The following SLC9C2 variants were observed in gnomAD, a reference collection of about 807,000 sequenced individuals.
The protein encoded by SLC9C2 is sodium/hydrogen exchanger 11.
In SLC9C2, 75 loss-of-function variants were observed where a neutral mutation model predicts 140.2. That is an observed-to-expected ratio of 0.53 (90% CI 0.44 to 0.65). SLC9C2 has a LOEUF of 0.65. Ranked by LOEUF, SLC9C2 falls within the 30% of genes least tolerant of loss-of-function variation. The probability of loss-of-function intolerance (pLI) is 0.00; values close to 1 mark genes in which losing one functional copy is unlikely to be tolerated. For missense variants in SLC9C2, 1,074 were observed against 1,331.8 expected (o/e 0.81, Z 3.01); for synonymous variants, 375 against 420.9 (o/e 0.89, Z 1.34).
intron 13 of SLC9C2, among the ~76,000 whole-genome samples, chr1:173,537,503 G>A (rs1662058020): frequency 6.6e-6 from 1 of 151,918 alleles, no homozygotes; most frequent in Non-Finnish European, 1.5e-5. Context: ...CGGAGGTTGT[G>A]GTGAGCCGAG....
At chr1:173,563,926 C>T (rs772511835) in intron 9 of SLC9C2, among the ~76,000 whole-genome samples, 2 of 152,122 alleles carry the variant, frequency 1.3e-5, no homozygotes, top group African/African-American at 2.4e-5. Flanking sequence ...TTAATTTTTA[C>T]ATCCCACAAA....
At chr1:173,525,225 T>A (rs1310071645) in intron 19 of SLC9C2, among the ~76,000 whole-genome samples, 1 of 152,192 alleles carries the variant, frequency 6.6e-6, no homozygotes, top group Non-Finnish European at 1.5e-5. Flanking sequence ...TTACTATTTT[T>A]ACTTCTCTGT....
At chr1:173,537,631 C>T (rs139895907) in intron 13 of SLC9C2, among the ~76,000 whole-genome samples, 53 of 151,982 alleles carry the variant, frequency 3.5e-4, no homozygotes, top group African/African-American at 1.2e-3. Context: ...TATACACACA[C>T]ACATATATAC....
intron 9 of SLC9C2, among the ~76,000 whole-genome samples, chr1:173,572,866 C>T (rs1018931956): frequency 1.3e-5 from 2 of 152,120 alleles, no homozygotes; most frequent in Non-Finnish European, 2.9e-5. Context: ...ATACAAACTA[C>T]CTGAAGAGCA....
chr1:173,583,650 C>A, intron 5 of SLC9C2, 28 bp from the exon 6 acceptor site: 1 of 1,073,768 alleles, frequency 9.3e-7, no homozygotes, highest in Non-Finnish European at 1.4e-6. Flanking sequence ...AAATGTAACT[C>A]AATATGCTAC....
At chr1:173,586,190 T>A (rs1031495296) in intron 5 of SLC9C2, among the ~76,000 whole-genome samples, 2 of 151,472 alleles carry the variant, frequency 1.3e-5, no homozygotes, top group African/African-American at 2.4e-5. Flanking sequence ...CAGAAAAAAA[T>A]TGTACTTAAG....
At chr1:173,554,345 TG>T (rs1391050286) in intron 11 of SLC9C2, among the ~76,000 whole-genome samples, 1 of 152,150 alleles carries the variant, frequency 6.6e-6, no homozygotes, top group African/African-American at 2.4e-5. Context: ...CCTTTCTAGT[TG>T]GTTGGATTGT....
At chr1:173,540,244 C>G (rs182180031) in intron 13 of SLC9C2, among the ~76,000 whole-genome samples, 7 of 152,296 alleles carry the variant, frequency 4.6e-5, no homozygotes, top group Non-Finnish European at 1.0e-4. Flanking sequence ...ACATCCTGGA[C>G]CCTCCAACCA....
At chr1:173,600,005 GAGTAGCTGTTCCCATAAGAAA>G in intron 3 of SLC9C2, 91 bp downstream of exon 3, 1 of 610,354 alleles carries the variant, frequency 1.6e-6, no homozygotes. Context: ...AAAATTTTTT[GAGTAGCTGTTCCCATAAGAAA>G]AAACATTCCA....
chr1:173,547,801 G>A lies in SLC9C2; in HGVS notation c.1462-17C>T, dbSNP rs1335409378. 6.3e-7 allele frequency: 1 copy of A among 1,577,788 alleles called. No homozygotes were observed. Among genetic ancestry groups the A allele is most frequent in the East Asian group, 2.3e-5 (1 of 44,278 alleles). ...GTGGGAAAACTGAACCGTATCAGAT[G>A]ACATTTTAAAACATAAAGGGATAAA... On this transcript the variant is annotated splice_polypyrimidine_tract_variant and intron_variant, in intron 12 of 27. Coordinates refer to ENST00000367714, the MANE Select transcript of SLC9C2 (RefSeq NM_178527.4).
intron 23 of SLC9C2, among the ~76,000 whole-genome samples, chr1:173,510,366 C>A (rs182899263): frequency 1.5e-4 from 23 of 152,064 alleles, no homozygotes; most frequent in Non-Finnish European, 2.8e-4. Context: ...GTACAGAATG[C>A]GTAGGTTTGT....
chr1:173,507,501 G>A (rs1457491696), intron 24 of SLC9C2, among the ~76,000 whole-genome samples: 1 of 138,408 alleles, frequency 7.2e-6, no homozygotes, highest in Non-Finnish European at 1.6e-5. Flanking sequence ...ATTATGGGTT[G>A]AATTGTGCAC....
intron 9 of SLC9C2, among the ~76,000 whole-genome samples, chr1:173,571,069 G>A (rs1558077443): frequency 1.3e-5 from 2 of 152,218 alleles, no homozygotes; most frequent in East Asian, 3.9e-4. Context: ...GTTAAAATGT[G>A]GTGTTCCTGC....
intron 9 of SLC9C2, among the ~76,000 whole-genome samples, chr1:173,566,115 A>G (rs1395786451): frequency 6.6e-6 from 1 of 152,118 alleles, no homozygotes; most frequent in African/African-American, 2.4e-5. Context: ...ATCAATATTC[A>G]TGAGAGATAT....
intron 21 of SLC9C2, 31 bp from the exon 22 acceptor site, chr1:173,521,430 AAG>A (rs779517544): frequency 2.5e-6 from 3 of 1,220,868 alleles, no homozygotes; most frequent in African/African-American, 3.1e-5. Flanking sequence ...CGAAAAGAAA[AAG>A]AGAGTCAACA....
intron 7 of SLC9C2, among the ~76,000 whole-genome samples, chr1:173,578,776 C>T (rs1414686914): frequency 2.0e-5 from 3 of 152,190 alleles, no homozygotes; most frequent in Non-Finnish European, 4.4e-5. Context: ...ATAATCTTCC[C>T]TCTATGTGTA....
At chr1:173,594,616 A>G (rs1666345584) in intron 4 of SLC9C2, among the ~76,000 whole-genome samples, 1 of 152,170 alleles carries the variant, frequency 6.6e-6, no homozygotes, top group South Asian at 2.1e-4. Flanking sequence ...AATCACAATA[A>G]TAATGATAAT....
chr1:173,556,383 A>G (rs144571749), intron 10 of SLC9C2, among the ~76,000 whole-genome samples: 54 of 152,252 alleles, frequency 3.5e-4, no homozygotes, highest in African/African-American at 1.2e-3. Context: ...AAGGAAACCA[A>G]GTTTTGTTTT....
chr1:173,506,537 A>G (rs1454985524), intron 25 of SLC9C2, among the ~76,000 whole-genome samples: 1 of 152,238 alleles, frequency 6.6e-6, no homozygotes, highest in Non-Finnish European at 1.5e-5. Context: ...AGAACACGGC[A>G]TCGTTGCCTT....
Sources: allele counts gnomAD v4.1 joint callset (sites outside exome capture counted in the v4.1 genomes callset), GRCh38; gene constraint gnomAD v4.1.1; transcripts MANE v1.5; gene names NCBI Gene and HGNC (gene_info 2026-07-23, HGNC 2026-07-21).